Variants in SETD1B observed in about 807,000 individuals in gnomAD.
SETD1B encodes SET domain containing 1B, histone lysine methyltransferase.
A neutral mutation model predicts 148.0 loss-of-function variants in SETD1B; 7 were observed. The ratio of observed to expected loss-of-function variants is 0.05; its 90% CI spans 0.03 to 0.09. The LOEUF (loss-of-function observed/expected upper bound fraction) is 0.09. Among genes scored for constraint, SETD1B ranks in the 10% least tolerant of loss-of-function variants. The pLI is 1.00. For missense variants in SETD1B, 2,155 were observed against 2,729.9 expected, an observed-to-expected ratio of 0.79 and a Z score of 4.69; for synonymous variants, 1,361 against 1,186.5, an observed-to-expected ratio of 1.15 and a Z score of -3.02.
the SETD1B span, chr12:121,796,052 TGTG>T: frequency 6.6e-6 from 1 of 152,482 alleles, no homozygotes; most frequent in Non-Finnish European, 1.5e-5. Flanking sequence ...ACTCGACTGT[TGTG>T]GTGATGGAGG....
At chr12:121,829,918 G>C in intron 16 of SETD1B, 148 bp from the exon 17 acceptor site, 1 of 566,434 alleles carries the variant, frequency 1.8e-6, no homozygotes, top group Non-Finnish European at 2.9e-6. Flanking sequence ...TGGGGGTCGG[G>C]GGAGCCAAGG....
rs1875679339 is a variant in SETD1B at position 121,805,355 on chromosome 12, G to C, written c.273+139G>C. On this transcript the variant is annotated intron_variant, in intron 3 of 16. Coordinates refer to ENST00000604567, the MANE Select transcript of SETD1B (RefSeq NM_001353345.2). The surrounding 1 kb of genome is among the most constrained non-coding windows in gnomAD (Gnocchi z 4.2). ...GGAAGTTTTGGCGGGGAGGGGTAGAGCGCTGGCGAGAGGGTGTCCCCTCTC... is the reference window on the plus strand; with the variant it reads ...GGAAGTTTTGGCGGGGAGGGGTAGACCGCTGGCGAGAGGGTGTCCCCTCTC... 1.4e-6 allele frequency: 1 copy of C among 690,072 alleles called. No individual in the cohort carries two copies. The highest frequency in any genetic ancestry group is 2.5e-6 in the Non-Finnish European group (1 of 397,434). 42.7% of individuals were successfully genotyped at this position (690,072 alleles called of 1,614,324 possible).
At position 121,824,044 on chromosome 12, in the gene SETD1B, C is replaced by T. The variant is rs372735060; in HGVS notation, c.5170+295C>T. Among the ~76,000 whole-genome samples the T allele has an allele frequency of 1.1e-4, 17 of 152,354 alleles. No homozygotes were observed. The East Asian group carries it at 1.9e-3, about 17-fold the overall frequency. The stretch of plus-strand genomic sequence containing the variant: ...CGTGCAGCTTAACAGCACACACGGG[C>T]GCAGGGCCTCCTTGTCCTGTCCCCT... On this transcript the variant is annotated intron_variant, in intron 12 of 16. Transcript: ENST00000604567.
At chr12:121,794,706 TC>T in the SETD1B span, among the ~76,000 whole-genome samples, 1 of 151,636 alleles carries the variant, frequency 6.6e-6, no homozygotes, top group Non-Finnish European at 1.5e-5. Flanking sequence ...CCCCCACCCC[TC>T]CTCTTACTCC....
Position 121,804,668 on chromosome 12 carries a change from A to G in SETD1B, c.-14-56A>G. Reference sequence around the variant, plus strand: ...CGATTGGATTCTTTCGCGTGTGTGTAGAAGCGGCCGCCGCCGCCGCCGCGG... The same window carrying G: ...CGATTGGATTCTTTCGCGTGTGTGTGGAAGCGGCCGCCGCCGCCGCCGCGG... On this transcript the variant is annotated intron_variant, in intron 1 of 16. Transcript: ENST00000604567. The surrounding 1 kb of genome is among the most constrained non-coding windows in gnomAD (Gnocchi z 4.6). The G allele has an allele frequency of 6.8e-7, 1 of 1,477,370 alleles. No individual in the cohort carries two copies. The highest frequency in any genetic ancestry group is 9.2e-7 in the Non-Finnish European group (1 of 1,091,508). 91.5% of individuals were successfully genotyped at this position (1,477,370 alleles called of 1,614,324 possible).
rs1875654582 is a variant in SETD1B at position 121,804,992 on chromosome 12, C to G, written c.174+81C>G. On this transcript the variant is annotated intron_variant, in intron 2 of 16. Coordinates refer to ENST00000604567, the MANE Select transcript of SETD1B (RefSeq NM_001353345.2). This position sits in a 1 kb window ranked among gnomAD's most constrained non-coding sequence, Gnocchi z 4.6. ...GCCTAGCGGCCAGGGACCCCCCGCC[C>G]GATCCCCCGGCCAACTGTCAGACGG... 21 of 1,458,762 alleles carry G rather than the reference C, an allele frequency of 1.4e-5. No individual in the cohort carries two copies. The highest frequency in any genetic ancestry group is 1.9e-5 in the Non-Finnish European group (21 of 1,087,848). The allele number at this position is 1,458,762 out of a possible 1,614,324, so 90.4% of individuals were successfully genotyped here.
chr12:121,828,997 G>A (rs908802495), intron 16 of SETD1B, among the ~76,000 whole-genome samples: 5 of 152,078 alleles, frequency 3.3e-5, no homozygotes, highest in African/African-American at 1.2e-4. Flanking sequence ...GGGAAGCGGT[G>A]CTGGGGCAAG....
chr12:121,825,451 A>G, intron 13 of SETD1B, 85 bp downstream of exon 13: 1 of 1,126,302 alleles, frequency 8.9e-7, no homozygotes, highest in Non-Finnish European at 1.2e-6. Context: ...TGCCAGGCAG[A>G]GGGAGGAGTT....
chr12:121,827,980 G>A lies in SETD1B; in HGVS notation c.5637G>A (p.Gly1879=). The A allele has an allele frequency of 1.9e-6, 3 of 1,552,082 alleles. No homozygotes were observed. The highest frequency in any genetic ancestry group is 2.6e-6 in the Non-Finnish European group (3 of 1,147,110). The change falls in exon 16 of 17, where the codon GGG becomes GGA. Residue 1879 remains glycine, a synonymous_variant. Transcript: ENST00000604567. ...AGCGTTATGAGGACGAGGGCATCGG[G>A]AGCAGCTACATGTTCCGGGTGGACC... The part of the protein sequence containing the change: ...REKRYEDEGI[G]SSYMFRVDHD...
chr12:121,793,402 C>G, the SETD1B span: 1 of 1,497,028 alleles, frequency 6.7e-7, no homozygotes, highest in Non-Finnish European at 9.0e-7. Flanking sequence ...GGCCGCCTGT[C>G]CGTGCTCGGG....
At position 121,810,235 on chromosome 12, in the gene SETD1B, G is replaced by A; in HGVS notation, c.1290G>A (p.Arg430=). Residue 430 remains arginine (R), a synonymous_variant, in exon 6 of 17, where the codon AGG becomes AGA. Transcript: ENST00000604567. This position sits in a 1 kb window ranked among gnomAD's most constrained non-coding sequence, Gnocchi z 7.6. Reference sequence around the variant, plus strand: ...CCCGCGACAGTGGGGAGTTCCGGAGGGCACCGGCGCCCCCACCCCTGCCAC... The same window carrying A: ...CCCGCGACAGTGGGGAGTTCCGGAGAGCACCGGCGCCCCCACCCCTGCCAC... ...FGARDSGEFR[R]APAPPPLPPA... The A allele has an allele frequency of 6.5e-7, 1 of 1,547,832 alleles. No individual in the cohort carries two copies.
In SETD1B at chr12:121,827,930, C is replaced by T. The variant is rs1486997660; in HGVS notation, c.5590-3C>T. The T allele has an allele frequency of 6.4e-7, 1 of 1,552,074 alleles. No homozygotes were observed. Among genetic ancestry groups the T allele is most frequent in the South Asian group, 1.2e-5 (1 of 84,072 alleles). On this transcript the variant is annotated splice_region_variant and splice_polypyrimidine_tract_variant and intron_variant, in intron 15 of 16. Transcript: ENST00000604567. ...AGCCAGACTGACCCCCTTTTGTGGC[C>T]AGGTGATCGCAGACATGCGGGAGAA...
intron 6 of SETD1B, among the ~76,000 whole-genome samples, chr12:121,812,767 C>CGT (rs147891168): frequency 1.1e-4 from 17 of 151,346 alleles, no homozygotes; most frequent in Non-Finnish European, 1.5e-4. Flanking sequence ...TGCGTGCGTG[C>CGT]GTGTGTGTGT....
the SETD1B span, among the ~76,000 whole-genome samples, chr12:121,796,897 G>A: frequency 2.0e-5 from 3 of 152,236 alleles, no homozygotes; most frequent in Non-Finnish European, 2.9e-5. Flanking sequence ...AATTATCCGG[G>A]CGTGGTGGCA....
chr12:121,823,572 C>T lies in SETD1B; in HGVS notation c.4993C>T (p.Pro1665Ser), dbSNP rs1566558811. The change falls in exon 12 of 17, where the codon CCC (proline) becomes TCC (serine). Residue 1665 changes from proline to serine, a missense_variant. Pro to Ser is a moderately conservative substitution (Grantham distance 74). Around this residue, in one of 11 missense-constraint regions of SETD1B, gnomAD observed 862 missense variants for 873.8 expected, o/e 0.99. Transcript: ENST00000604567. ...TGCGGGCTCGCCCGAACTCTCGCCACCCCAGCCCCTCTTCCGGCCCCGCTC... is the reference window on the plus strand; with the variant it reads ...TGCGGGCTCGCCCGAACTCTCGCCATCCCAGCCCCTCTTCCGGCCCCGCTC... ...PPAGSPELSP[P>S]QPLFRPRSEF... 3 of 1,551,150 alleles carry T rather than the reference C, an allele frequency of 1.9e-6. No individual in the cohort carries two copies. The highest frequency in any genetic ancestry group is 2.0e-5 in the Admixed American group (1 of 50,986).
chr12:121,806,204 C>T, intron 4 of SETD1B, 99 bp downstream of exon 4: 2 of 1,313,436 alleles, frequency 1.5e-6, no homozygotes, highest in Non-Finnish European at 2.1e-6. Flanking sequence ...CTCACTCTTC[C>T]TTGGGATCCC....
At chr12:121,815,726 G>A (rs1167379374) in intron 7 of SETD1B, among the ~76,000 whole-genome samples, 2 of 151,716 alleles carry the variant, frequency 1.3e-5, no homozygotes, top group Non-Finnish European at 2.9e-5. Flanking sequence ...GCCCAGGCTG[G>A]TCTTGAACTC....
chr12:121,802,677 T>C (rs1875447609), upstream of SETD1B: 1 of 152,194 alleles, frequency 6.6e-6, no homozygotes, highest in African/African-American at 2.4e-5. Context: ...ACATGAATGG[T>C]GTGCTATGAC....
chr12:121,818,423 C>T (rs1478340552), intron 10 of SETD1B, among the ~76,000 whole-genome samples: 4 of 151,198 alleles, frequency 2.6e-5, no homozygotes, highest in East Asian at 3.9e-4. Flanking sequence ...AATAGCCAGG[C>T]GTGGTGGTGG....
Sources: allele counts gnomAD v4.1 joint callset (sites outside exome capture counted in the v4.1 genomes callset), GRCh38; gene constraint gnomAD v4.1.1; regional missense constraint gnomAD v4.1.1; non-coding constraint Gnocchi (gnomAD v3.1); transcripts MANE v1.5; gene names NCBI Gene and HGNC (gene_info 2026-07-23, HGNC 2026-07-21).